The following TENM3 variants were observed in gnomAD, a reference collection of about 807,000 sequenced individuals.
TENM3 encodes the protein teneurin transmembrane protein 3.
Under a neutral mutation model 255.1 loss-of-function variants are expected in TENM3, and 63 were observed. The observed-to-expected ratio is 0.25, with a 90% confidence interval of 0.20 to 0.30. The LOEUF (loss-of-function observed/expected upper bound fraction) is 0.30. Among genes scored for constraint, TENM3 ranks in the 10% least tolerant of loss-of-function variants. TENM3 has a pLI of 1.00. For synonymous variants in TENM3, 1,306 were observed against 1,322.3 expected (o/e 0.99, Z 0.27); for missense variants, 2,929 against 3,461.1 (o/e 0.85, Z 3.86).
At chr4:182,473,749 T>C (rs1255689724) in intron 3 of TENM3, among the ~76,000 whole-genome samples, 5 of 151,918 alleles carry the variant, frequency 3.3e-5, no homozygotes, top group African/African-American at 1.2e-4. Context: ...GGTGGGAGGA[T>C]TGCTTAAGGC....
At chr4:182,704,465 G>A (rs1462387561) in intron 12 of TENM3, among the ~76,000 whole-genome samples, 1 of 152,160 alleles carries the variant, frequency 6.6e-6, no homozygotes, top group Non-Finnish European at 1.5e-5. Flanking sequence ...GCTTATAAAG[G>A]CACTCTTTCA....
the TENM3 span, among the ~76,000 whole-genome samples, chr4:181,897,357 A>T: frequency 6.6e-6 from 1 of 152,216 alleles, no homozygotes; most frequent in Non-Finnish European, 1.5e-5. Context: ...CATACTAAAG[A>T]GCATGAAATG....
chr4:182,063,600 A>C, the TENM3 span, among the ~76,000 whole-genome samples: 1 of 152,140 alleles, frequency 6.6e-6, no homozygotes, highest in Non-Finnish European at 1.5e-5. Flanking sequence ...AATAACCTTA[A>C]CAAACAAATC....
At chr4:181,706,758 C>A in the TENM3 span, among the ~76,000 whole-genome samples, 3 of 152,204 alleles carry the variant, frequency 2.0e-5, no homozygotes, top group African/African-American at 7.2e-5. Flanking sequence ...AACATCACAG[C>A]TAAAACCTGA....
the TENM3 span, among the ~76,000 whole-genome samples, chr4:181,927,746 G>A: frequency 2.6e-5 from 4 of 152,312 alleles, no homozygotes; most frequent in East Asian, 1.9e-4. Flanking sequence ...CTCCCAGCAC[G>A]GGTCGACAGA....
intron 24 of TENM3, among the ~76,000 whole-genome samples, chr4:182,781,023 CTT>C (rs1479814994): frequency 6.6e-6 from 1 of 150,980 alleles, no homozygotes; most frequent in African/African-American, 2.4e-5. Flanking sequence ...TTGACTTCCT[CTT>C]TTCCTAATTG....
Position 182,722,084 on chromosome 4 carries a change from G to A in TENM3, c.2369-6881G>A, listed in dbSNP as rs373293524. Among the ~76,000 whole-genome samples the A allele has an allele frequency of 5.9e-5, 9 of 152,144 alleles. No individual in the cohort carries two copies. The East Asian group carries it at 9.6e-4, about 16-fold the overall frequency. On this transcript the variant is annotated intron_variant, in intron 13 of 27. Coordinates refer to ENST00000511685, the MANE Select transcript of TENM3 (RefSeq NM_001080477.4). ...AATTTGTCTGAGGTTTATCTTTTTA[G>A]TCGTGACTTCTGGGTTACGTGTCTT... is the stretch of plus-strand genomic sequence containing the variant.
the TENM3 span, among the ~76,000 whole-genome samples, chr4:181,667,081 A>T: frequency 1.3e-5 from 2 of 152,188 alleles, no homozygotes; most frequent in Non-Finnish European, 2.9e-5. Context: ...GCATTTTTGT[A>T]CAGAATTATA....
At chr4:182,649,090 A>G (rs770240886) in intron 5 of TENM3, among the ~76,000 whole-genome samples, 15 of 151,210 alleles carry the variant, frequency 9.9e-5, no homozygotes, top group Non-Finnish European at 1.6e-4. Flanking sequence ...TCTATGGGGT[A>G]TACAAACAGA....
chr4:182,420,797 A>C (rs1254409413), intron 3 of TENM3, among the ~76,000 whole-genome samples: 1 of 152,232 alleles, frequency 6.6e-6, no homozygotes, highest in Non-Finnish European at 1.5e-5. Context: ...CATAATGGCA[A>C]ACCAATAAAT....
At chr4:182,583,565 C>A (rs1381547208) in intron 3 of TENM3, among the ~76,000 whole-genome samples, 2 of 151,928 alleles carry the variant, frequency 1.3e-5, no homozygotes, top group African/African-American at 4.8e-5. Flanking sequence ...GTAAAAATAT[C>A]AAATATAAGA....
chr4:181,844,554 G>GCTACT, the TENM3 span, among the ~76,000 whole-genome samples: 5 of 151,954 alleles, frequency 3.3e-5, no homozygotes, highest in Non-Finnish European at 7.4e-5. Flanking sequence ...TGTAGTCCCA[G>GCTACT]CTACTCGGGA....
chr4:182,136,444 T>G, the TENM3 span, among the ~76,000 whole-genome samples: 11 of 152,182 alleles, frequency 7.2e-5, no homozygotes, highest in Non-Finnish European at 1.2e-4. Flanking sequence ...GGGTAGAGAT[T>G]AAACTGAATT....
the TENM3 span, among the ~76,000 whole-genome samples, chr4:181,847,298 A>C: frequency 6.6e-6 from 1 of 152,206 alleles, no homozygotes; most frequent in African/African-American, 2.4e-5. Flanking sequence ...TAAAAGAGTA[A>C]ATCTGCCTTG....
the TENM3 span, among the ~76,000 whole-genome samples, chr4:181,587,270 T>C: frequency 3.3e-5 from 5 of 152,218 alleles, no homozygotes; most frequent in Non-Finnish European, 5.9e-5. Flanking sequence ...CCAGGCATGA[T>C]GCTCAGGGCT....
chr4:181,987,863 C>A, the TENM3 span, among the ~76,000 whole-genome samples: 1 of 151,746 alleles, frequency 6.6e-6, no homozygotes, highest in Non-Finnish European at 1.5e-5. Context: ...ATTGAGCTCA[C>A]GGGGTAAGGC....
chr4:182,088,250 A>G, the TENM3 span, among the ~76,000 whole-genome samples: 7 of 152,212 alleles, frequency 4.6e-5, no homozygotes, highest in African/African-American at 1.7e-4. Context: ...AAATAAGCAT[A>G]GGGCTTTCTG....
chr4:182,545,568 C>T (rs1741355252), intron 3 of TENM3, among the ~76,000 whole-genome samples: 1 of 152,060 alleles, frequency 6.6e-6, no homozygotes, highest in African/African-American at 2.4e-5. Flanking sequence ...GTTCCAGTCT[C>T]ATCTTGTTCT....
intron 24 of TENM3, among the ~76,000 whole-genome samples, chr4:182,778,061 G>C (rs1216259886): frequency 6.6e-6 from 1 of 152,012 alleles, no homozygotes; most frequent in Non-Finnish European, 1.5e-5. Flanking sequence ...GTACTTACTT[G>C]TTTGCAGCTC....
Sources: gnomAD v4.1 joint callset for allele counts (sites outside exome capture counted in the v4.1 genomes callset) on GRCh38, gnomAD v4.1.1 for gene constraint, MANE v1.5 for transcripts, NCBI Gene and HGNC (gene_info 2026-07-23, HGNC 2026-07-21) for gene names.